Variants in GBE1 observed in about 807,000 individuals in gnomAD.
GBE1 encodes 1,4-alpha-glucan branching enzyme 1.
A neutral mutation model predicts 88.8 loss-of-function variants in GBE1; 70 were observed. That is an observed-to-expected ratio of 0.79 (90% confidence interval 0.65 to 0.96). The LOEUF (loss-of-function observed/expected upper bound fraction) is 0.96, where lower values mean the gene tolerates loss of function less well. GBE1 is among the 40% of genes least tolerant of loss of function. The pLI is 0.00. For synonymous variants in GBE1, 284 were observed against 300.1 expected (o/e 0.95, Z 0.56); for missense variants, 872 against 871.0 (o/e 1.00, Z -0.01).
At chr3:81,496,783 T>C (rs1165961928) in intron 15 of GBE1, among the ~76,000 whole-genome samples, 2 of 152,206 alleles carry the variant, frequency 1.3e-5, no homozygotes, top group Non-Finnish European at 2.9e-5. Context: ...AGATTTTCTG[T>C]ATTTTACTCG....
At chr3:81,531,924 A>G (rs946148171) in intron 14 of GBE1, among the ~76,000 whole-genome samples, 2 of 151,996 alleles carry the variant, frequency 1.3e-5, no homozygotes, top group African/African-American at 4.8e-5. Context: ...CCCTCTGCCT[A>G]GGGCTGGTCT....
chr3:81,531,045 C>T (rs1004801482), intron 14 of GBE1, among the ~76,000 whole-genome samples: 3 of 151,290 alleles, frequency 2.0e-5, no homozygotes, highest in Non-Finnish European at 4.4e-5. Context: ...AAGCAATGTC[C>T]CTTTCACTCT....
At chr3:81,666,151 C>T (rs1056130665) in intron 3 of GBE1, among the ~76,000 whole-genome samples, 1 of 151,906 alleles carries the variant, frequency 6.6e-6, no homozygotes, top group African/African-American at 2.4e-5. Flanking sequence ...GACTAATAGG[C>T]ACAGTATAAT....
intron 12 of GBE1, among the ~76,000 whole-genome samples, chr3:81,554,183 G>A (rs1208432315): frequency 6.6e-6 from 1 of 151,738 alleles, no homozygotes; most frequent in South Asian, 2.1e-4. Flanking sequence ...AGGAAATGGT[G>A]GGGGGAAAAA....
chr3:81,750,630 CGT>C lies in GBE1; in HGVS notation c.143+10743_143+10744del, dbSNP rs1491585666. Among the ~76,000 whole-genome samples, 98 of 23,342 alleles carry C rather than the reference CGT, an allele frequency of 4.2e-3. 9 individuals carry two copies. The highest frequency in any genetic ancestry group is 9.4e-3 in the South Asian group (9 of 954). The allele number at this position is 23,342 out of a possible 152,430, so 15.3% of individuals were successfully genotyped here. On this transcript the variant is annotated intron_variant, in intron 1 of 15. Coordinates refer to ENST00000429644, the MANE Select transcript of GBE1 (RefSeq NM_000158.4). Reference sequence around the variant, plus strand: ...ATATATATATATGTATATATATATACGTATATATATATATGTATATATATATA... The same window carrying C: ...ATATATATATATGTATATATATATACATATATATATATGTATATATATATA...
At chr3:81,594,730 A>G (rs1338449204) in intron 7 of GBE1, among the ~76,000 whole-genome samples, 1 of 152,070 alleles carries the variant, frequency 6.6e-6, no homozygotes, top group Non-Finnish European at 1.5e-5. Context: ...CCATAAAAAG[A>G]GAGGGAAAAC....
At chr3:81,600,863 T>C (rs1704023591) in intron 7 of GBE1, among the ~76,000 whole-genome samples, 1 of 151,622 alleles carries the variant, frequency 6.6e-6, no homozygotes, top group South Asian at 2.1e-4. Context: ...TAGGGAAAGG[T>C]GAAAATATAG....
chr3:81,580,037 A>G (rs576964301), intron 11 of GBE1, among the ~76,000 whole-genome samples: 1 of 152,294 alleles, frequency 6.6e-6, no homozygotes, highest in Non-Finnish European at 1.5e-5. Flanking sequence ...TTTTCTTAAC[A>G]ATTAGAGGAG....
chr3:81,643,059 A>G (rs1704710349), intron 6 of GBE1, 69 bp from the exon 7 acceptor site: 1 of 1,036,498 alleles, frequency 9.6e-7, no homozygotes, highest in Admixed American at 2.1e-5. Flanking sequence ...TTGTGCAGCA[A>G]TTGTTTCACC....
At chr3:81,639,600 G>A (rs551926716) in intron 7 of GBE1, among the ~76,000 whole-genome samples, 6 of 152,174 alleles carry the variant, frequency 3.9e-5, no homozygotes, top group Non-Finnish European at 7.4e-5. Context: ...AAACTAACAA[G>A]TTTTCAAGTT....
chr3:81,518,176 T>G (rs891851630), intron 14 of GBE1, among the ~76,000 whole-genome samples: 1 of 151,410 alleles, frequency 6.6e-6, no homozygotes, highest in Non-Finnish European at 1.5e-5. Context: ...TTCTGATATA[T>G]TTTTCCTCCA....
intron 15 of GBE1, among the ~76,000 whole-genome samples, chr3:81,493,215 T>C (rs1459243120): frequency 6.6e-6 from 1 of 152,172 alleles, no homozygotes; most frequent in African/African-American, 2.4e-5. Context: ...TCCCTCTACA[T>C]TGAAAACATT....
chr3:81,741,836 G>T (rs1417861506), intron 1 of GBE1, among the ~76,000 whole-genome samples: 1 of 146,930 alleles, frequency 6.8e-6, no homozygotes, highest in East Asian at 1.9e-4. Context: ...ATATTATATA[G>T]ATTATATATA....
intron 10 of GBE1, among the ~76,000 whole-genome samples, chr3:81,582,044 C>A (rs966497829): frequency 1.3e-5 from 2 of 152,034 alleles, no homozygotes. Context: ...CCGCCACTCC[C>A]GACATACTAT....
At chr3:81,712,201 G>T (rs1247845268) in intron 1 of GBE1, among the ~76,000 whole-genome samples, 1 of 152,198 alleles carries the variant, frequency 6.6e-6, no homozygotes, top group African/African-American at 2.4e-5. Context: ...TACACTGTTG[G>T]TGGGACTGTA....
chr3:81,658,856 A>C (rs1207448898), intron 3 of GBE1, among the ~76,000 whole-genome samples: 1 of 152,210 alleles, frequency 6.6e-6, no homozygotes, highest in Non-Finnish European at 1.5e-5. Flanking sequence ...TCCCTGAACA[A>C]GTGAGAATAA....
chr3:81,670,386 G>GGAAGAAGCA (rs562383377), intron 3 of GBE1, among the ~76,000 whole-genome samples: 260 of 152,230 alleles, frequency 1.7e-3, no homozygotes, highest in Non-Finnish European at 2.1e-3. Flanking sequence ...GCCAGAAAGA[G>GGAAGAAGCA]GAAGAAGCAG....
intron 12 of GBE1, among the ~76,000 whole-genome samples, chr3:81,572,335 G>A (rs866091975): frequency 9.2e-5 from 14 of 152,114 alleles, no homozygotes; most frequent in African/African-American, 3.4e-4. Flanking sequence ...TAAAATATGT[G>A]TATTTAGCTG....
intron 7 of GBE1, among the ~76,000 whole-genome samples, chr3:81,626,038 G>T (rs1378808454): frequency 1.3e-5 from 2 of 152,134 alleles, no homozygotes; most frequent in African/African-American, 2.4e-5. Context: ...TAAATAAATA[G>T]TACTACATGT....
Sources: allele counts gnomAD v4.1 joint callset (sites outside exome capture counted in the v4.1 genomes callset), GRCh38; gene constraint gnomAD v4.1.1; transcripts MANE v1.5; gene names NCBI Gene and HGNC (gene_info 2026-07-23, HGNC 2026-07-21).